The following VSIR variants were observed in gnomAD, a reference collection of about 807,000 sequenced individuals.
VSIR encodes V-set immunoregulatory receptor, also known as V-type immunoglobulin domain-containing suppressor of T-cell activation.
In VSIR, 10 loss-of-function variants were observed where a neutral mutation model predicts 31.0. That is an observed-to-expected ratio of 0.32 (90% CI 0.20 to 0.55). The LOEUF (loss-of-function observed/expected upper bound fraction) is 0.55, where lower values mean the gene tolerates loss of function less well. Ranked by LOEUF, VSIR falls within the 20% of genes least tolerant of loss-of-function variation. VSIR has a pLI of 0.93. For missense variants in VSIR, 356 were observed against 416.2 expected, an observed-to-expected ratio of 0.86 and a Z score of 1.26; for synonymous variants, 179 against 180.1, an observed-to-expected ratio of 0.99 and a Z score of 0.05.
intron 3 of VSIR, among the ~76,000 whole-genome samples, chr10:71,758,212 G>A (rs1267677952): frequency 6.6e-6 from 1 of 152,166 alleles, no homozygotes; most frequent in Non-Finnish European, 1.5e-5. Context: ...TTTGAAAAAA[G>A]GGTAGCTGAG....
At chr10:71,765,487 G>T (rs926804314) in intron 1 of VSIR, among the ~76,000 whole-genome samples, 2 of 152,156 alleles carry the variant, frequency 1.3e-5, no homozygotes, top group African/African-American at 2.4e-5. Context: ...CGTGGTTGTT[G>T]GCCTGAGTGT....
chr10:71,768,034 G>A (rs1028126622), intron 1 of VSIR, among the ~76,000 whole-genome samples: 3 of 152,174 alleles, frequency 2.0e-5, no homozygotes, highest in South Asian at 2.1e-4. Flanking sequence ...TCAGGCTCCC[G>A]GCTCCAGCCA....
At position 71,753,134 on chromosome 10, in the gene VSIR, C is replaced by T. The variant is rs988643006; in HGVS notation, c.677-132G>A. ...GAGGGCCCTGCACAGCTCCGGACTC[C>T]ATTTCTTTTCACATGGGTGCTGTCC... On this transcript the variant is annotated intron_variant, in intron 4 of 6. Coordinates refer to ENST00000394957, the MANE Select transcript of VSIR (RefSeq NM_022153.2). 5.7e-6 allele frequency: 6 copies of T among 1,043,974 alleles called. No homozygotes were observed. In the African/African-American group the frequency reaches 1.1e-4, roughly 19 times the overall value. 64.7% of individuals were successfully genotyped at this position (1,043,974 alleles called of 1,614,324 possible). A position where few individuals can be genotyped will look rare whatever the true frequency, so the allele number is the denominator to read the frequency against.
rs183300613 is a variant in VSIR, at chr10:71,752,066, G to A, written c.705-205C>T. 2,596 of 707,212 alleles carry A rather than the reference G, an allele frequency of 3.7e-3. 19 individuals carry two copies. The highest frequency in any genetic ancestry group is 4.3e-3 in the Non-Finnish European group (1,690 of 392,786). The allele number at this position is 707,212 out of a possible 1,614,324, so 43.8% of individuals were successfully genotyped here. A position where few individuals can be genotyped will look rare whatever the true frequency, so the allele number is the denominator to read the frequency against. ...CCTGCCCACCTGTCCTGAGCTGAGG[G>A]CATCAGGGCCCACCAGAACAGACCC... is the stretch of plus-strand genomic sequence containing the variant. On this transcript the variant is annotated intron_variant, in intron 5 of 6. Transcript: ENST00000394957.
intron 3 of VSIR, among the ~76,000 whole-genome samples, chr10:71,760,038 C>CACACACACAT (rs1564779706): frequency 8.7e-5 from 2 of 23,030 alleles, no homozygotes; most frequent in Non-Finnish European, 1.7e-4. Context: ...CACACACACA[C>CACACACACAT]ATATATACAC....
chr10:71,766,851 G>A (rs1840558220), intron 1 of VSIR, among the ~76,000 whole-genome samples: 3 of 152,208 alleles, frequency 2.0e-5, no homozygotes, highest in South Asian at 2.1e-4. Flanking sequence ...GAACCCTCCA[G>A]TGGGCAGGCG....
At chr10:71,754,632 C>T (rs993020490) in intron 4 of VSIR, among the ~76,000 whole-genome samples, 1 of 152,208 alleles carries the variant, frequency 6.6e-6, no homozygotes, top group Admixed American at 6.5e-5. Flanking sequence ...CCCAGCCCCA[C>T]CACTTATTTG....
intron 1 of VSIR, among the ~76,000 whole-genome samples, chr10:71,766,877 C>T (rs1840559118): frequency 6.6e-6 from 1 of 152,218 alleles, no homozygotes; most frequent in Admixed American, 6.5e-5. Flanking sequence ...GATGCCTCAT[C>T]CTTCAGCTAT....
At position 71,767,088 on chromosome 10, in the gene VSIR, C is replaced by T. The variant is rs192179664; in HGVS notation, c.83-5062G>A. Reference sequence around the variant, plus strand: ...CATCTGCTCAGAACTTGGGCCTGGACCTGTGCCTGAGATTTCTAGCTGTGG... The same window carrying T: ...CATCTGCTCAGAACTTGGGCCTGGATCTGTGCCTGAGATTTCTAGCTGTGG... On this transcript the variant is annotated intron_variant, in intron 1 of 6. Transcript: ENST00000394957. Among the ~76,000 whole-genome samples, 155 of 152,356 alleles carry T rather than the reference C, an allele frequency of 1.0e-3. 1 individual carries two copies. The highest frequency in any genetic ancestry group is 3.6e-3 in the African/African-American group (151 of 41,588).
chr10:71,759,277 A>T (rs1463670921), intron 3 of VSIR, among the ~76,000 whole-genome samples: 2 of 151,718 alleles, frequency 1.3e-5, no homozygotes, highest in Non-Finnish European at 2.9e-5. Context: ...GCCTCAAGCG[A>T]TCTGCCTGCC....
At chr10:71,755,591 T>C in intron 3 of VSIR, 125 bp from the exon 4 acceptor site, 3 of 857,152 alleles carry the variant, frequency 3.5e-6, no homozygotes, top group Non-Finnish European at 5.5e-6. Context: ...GTCCCACAGC[T>C]AGACCCCCAG....
At chr10:71,752,905 T>G (rs1840041443) in intron 5 of VSIR, 70 bp downstream of exon 5, 5 of 1,563,286 alleles carry the variant, frequency 3.2e-6, no homozygotes. Context: ...GGGCCCCTAC[T>G]GCACAGAAGT....
chr10:71,772,485 T>C (rs1840708574), intron 1 of VSIR, among the ~76,000 whole-genome samples: 2 of 152,226 alleles, frequency 1.3e-5, no homozygotes, highest in Admixed American at 6.5e-5. Context: ...AACCAGGCCA[T>C]GGGTACCAGG....
chr10:71,762,023 G>A lies in VSIR; in HGVS notation c.86C>T (p.Pro29Leu), dbSNP rs202090521. The change falls in exon 2 of 7, where the codon CCG (proline) becomes CTG (leucine). Residue 29 changes from proline (P) to leucine (L), a missense_variant. Transcript: ENST00000394957. ...FALFLAASLG[P>L]VAAFKVATPY... is the part of the protein sequence containing the mutation. Reference sequence around the variant, plus strand: ...CGTGGCGACCTTGAAGGCTGCCACCGGACCTGCTCAGAGAGAGGAGAGCCC... The same window carrying A: ...CGTGGCGACCTTGAAGGCTGCCACCAGACCTGCTCAGAGAGAGGAGAGCCC... 5.1e-5 allele frequency: 82 copies of A among 1,596,054 alleles called. No individual in the cohort carries two copies. The highest frequency in any genetic ancestry group is 4.2e-4 in the Admixed American group (25 of 59,280).
At chr10:71,752,699 G>A (rs938468592) in intron 5 of VSIR, among the ~76,000 whole-genome samples, 2 of 152,206 alleles carry the variant, frequency 1.3e-5, no homozygotes, top group African/African-American at 2.4e-5. Flanking sequence ...GCCCCAGACA[G>A]TGCTTCCTCC....
chr10:71,755,634 C>G (rs1840122556), intron 3 of VSIR, among the ~76,000 whole-genome samples, 168 bp from the exon 4 acceptor site: 1 of 152,124 alleles, frequency 6.6e-6, no homozygotes, highest in Admixed American at 6.6e-5. Flanking sequence ...TAAGGCGGTT[C>G]TCCTTTCAAA....
intron 3 of VSIR, among the ~76,000 whole-genome samples, chr10:71,760,200 T>C (rs1589404161): frequency 2.0e-5 from 1 of 50,404 alleles, no homozygotes; most frequent in South Asian, 8.8e-4. Flanking sequence ...TGTATATACA[T>C]ATATATGTGT....
At position 71,766,094 on chromosome 10, in the gene VSIR, A is replaced by ATGCC. The variant is rs1291082106; in HGVS notation, c.83-4072_83-4069dup. Among the ~76,000 whole-genome samples the ATGCC allele has an allele frequency of 5.3e-5, 8 of 152,348 alleles. No individual in the cohort carries two copies. The East Asian group carries it at 1.5e-3, about 29-fold the overall frequency. On this transcript the variant is annotated intron_variant, in intron 1 of 6. Coordinates refer to ENST00000394957, the MANE Select transcript of VSIR (RefSeq NM_022153.2). ...CCCCGCGGACTCCACATCTGTGCAC[A>ATGCC]TGCCTGTGTGTTGTCAGGGAAGCTG...
rs200233660 is a variant in VSIR at position 71,759,882 on chromosome 10, C to T, written c.568+986G>A. Among the ~76,000 whole-genome samples, 27 of 63,814 alleles carry T rather than the reference C, an allele frequency of 4.2e-4. 4 individuals are homozygous for T. Among genetic ancestry groups the T allele is most frequent in the South Asian group, 1.1e-3 (2 of 1,886 alleles). The allele number at this position is 63,814 out of a possible 152,430, so 41.9% of individuals were successfully genotyped here. A position where few individuals can be genotyped will look rare whatever the true frequency, so the allele number is the denominator to read the frequency against. The stretch of plus-strand genomic sequence containing the variant: ...ACACACACATATATATACACACACA[C>T]ACATATACACACACACATATATACA... On this transcript the variant is annotated intron_variant, in intron 3 of 6. Transcript: ENST00000394957.
Sources: gnomAD v4.1 joint callset for allele counts (sites outside exome capture counted in the v4.1 genomes callset) on GRCh38, gnomAD v4.1.1 for gene constraint, MANE v1.5 for transcripts, NCBI Gene and HGNC (gene_info 2026-07-23, HGNC 2026-07-21) for gene names.